Variants in L3MBTL4 observed in about 807,000 individuals in gnomAD.
L3MBTL4 encodes L3MBTL histone methyl-lysine binding protein 4, also known as lethal(3)malignant brain tumor-like protein 4.
A neutral mutation model predicts 84.5 loss-of-function variants in L3MBTL4; 70 were observed. The observed-to-expected ratio is 0.83, with a 90% confidence interval of 0.68 to 1.01. The LOEUF is 1.01. Ranked by LOEUF, L3MBTL4 falls within the 50% of genes least tolerant of loss-of-function variation. The pLI is 0.00. For missense variants in L3MBTL4, 715 were observed against 754.8 expected (o/e 0.95, Z 0.62); for synonymous variants, 274 against 259.8 (o/e 1.05, Z -0.52).
chr18:6,412,400 C>T (rs189406134), intron 1 of L3MBTL4, among the ~76,000 whole-genome samples: 7 of 152,224 alleles, frequency 4.6e-5, no homozygotes, highest in Admixed American at 2.6e-4. Flanking sequence ...TATCTAATGG[C>T]GATTTTCAGA....
intron 16 of L3MBTL4, among the ~76,000 whole-genome samples, chr18:5,984,299 G>A (rs1004419031): frequency 1.3e-5 from 2 of 152,148 alleles, no homozygotes; most frequent in Admixed American, 1.3e-4. Context: ...AATGATTGTG[G>A]CCACATTTCT....
At chr18:6,263,832 A>T in intron 5 of L3MBTL4, 115 bp downstream of exon 5, 1 of 795,304 alleles carries the variant, frequency 1.3e-6, no homozygotes, top group African/African-American at 1.7e-5. Context: ...ATTTTCCAGC[A>T]GAGCCTACAA....
chr18:6,144,196 CAAAAAAAA>C (rs35746580), intron 13 of L3MBTL4, among the ~76,000 whole-genome samples: 5 of 58,060 alleles, frequency 8.6e-5, no homozygotes, highest in African/African-American at 1.8e-4. Flanking sequence ...ACTCCATCTC[CAAAAAAAA>C]AAAAAAAAAA....
chr18:6,076,044 G>C (rs1568074614), intron 16 of L3MBTL4, among the ~76,000 whole-genome samples: 1 of 152,138 alleles, frequency 6.6e-6, no homozygotes, highest in South Asian at 2.1e-4. Flanking sequence ...GTGCTGGTAG[G>C]AACATCCTGG....
intron 5 of L3MBTL4, among the ~76,000 whole-genome samples, chr18:6,253,390 A>C (rs1435100174): frequency 3.3e-5 from 5 of 152,204 alleles, no homozygotes; most frequent in Non-Finnish European, 5.9e-5. Flanking sequence ...ACATTTAGAA[A>C]GTTGCAACAG....
chr18:6,106,025 T>C (rs1429453789), intron 14 of L3MBTL4, among the ~76,000 whole-genome samples: 1 of 152,196 alleles, frequency 6.6e-6, no homozygotes, highest in African/African-American at 2.4e-5. Context: ...ATATATTAGC[T>C]CATGCAATTC....
At chr18:6,060,373 C>G (rs189315515) in intron 16 of L3MBTL4, among the ~76,000 whole-genome samples, 1 of 151,388 alleles carries the variant, frequency 6.6e-6, no homozygotes, top group Admixed American at 6.6e-5. Context: ...TATGAAGATA[C>G]GAAGTACTCG....
At chr18:6,141,836 C>T (rs1053973595) in intron 13 of L3MBTL4, among the ~76,000 whole-genome samples, 3 of 152,202 alleles carry the variant, frequency 2.0e-5, no homozygotes, top group Non-Finnish European at 4.4e-5. Context: ...TATCACTTCT[C>T]TCTTAGCACA....
intron 14 of L3MBTL4, among the ~76,000 whole-genome samples, chr18:6,113,127 C>A (rs2059244735): frequency 6.6e-6 from 1 of 151,914 alleles, no homozygotes; most frequent in Non-Finnish European, 1.5e-5. Context: ...CAGTGTTTCC[C>A]AAAAAGCAAT....
intron 16 of L3MBTL4, among the ~76,000 whole-genome samples, chr18:6,051,841 C>T (rs1459067273): frequency 6.6e-6 from 1 of 152,190 alleles, no homozygotes; most frequent in Non-Finnish European, 1.5e-5. Context: ...GTTCACTACA[C>T]TACCTTAAGA....
chr18:6,138,227 T>C lies in L3MBTL4; in HGVS notation c.1166A>G (p.His389Arg). Residue 389 changes from histidine (H) to arginine (R), a missense_variant, in exon 14 of 19, where the codon CAT becomes CGT. Coordinates refer to ENST00000317931, the MANE Select transcript of L3MBTL4 (RefSeq NM_001330559.2). ...TCCCGAATAACGTGGACCACGGATATGGCCTATTCCTCGGCACCCGGGAGT... is the reference window on the plus strand; with the variant it reads ...TCCCGAATAACGTGGACCACGGATACGGCCTATTCCTCGGCACCCGGGAGT... The part of the protein sequence containing the change: ...CPTPGCRGIG[H>R]IRGPRYSGHH... 2.5e-6 allele frequency: 4 copies of C among 1,613,238 alleles called. No homozygotes were observed. The highest frequency in any genetic ancestry group is 3.4e-6 in the Non-Finnish European group (4 of 1,179,406).
At chr18:6,087,447 C>T (rs759420677) in intron 15 of L3MBTL4, among the ~76,000 whole-genome samples, 49 of 152,118 alleles carry the variant, frequency 3.2e-4, no homozygotes, top group Non-Finnish European at 5.9e-4. Flanking sequence ...CCTTTCCCTC[C>T]GTAGAGCTCC....
chr18:6,104,324 T>A (rs940953912), intron 14 of L3MBTL4, among the ~76,000 whole-genome samples: 18 of 152,140 alleles, frequency 1.2e-4, no homozygotes, highest in African/African-American at 4.1e-4. Context: ...GGAAAGAATC[T>A]AAATGGCCAT....
intron 16 of L3MBTL4, among the ~76,000 whole-genome samples, chr18:6,062,299 A>T (rs994235972): frequency 4.0e-5 from 6 of 151,750 alleles, no homozygotes; most frequent in Admixed American, 3.9e-4. Context: ...ATTTCGCTCT[A>T]CTCTCTTCTG....
intron 1 of L3MBTL4, among the ~76,000 whole-genome samples, chr18:6,382,698 G>A (rs1417880848): frequency 6.6e-6 from 1 of 152,198 alleles, no homozygotes; most frequent in Admixed American, 6.5e-5. Flanking sequence ...TTATTCCAAA[G>A]GGGCACCTGC....
intron 16 of L3MBTL4, among the ~76,000 whole-genome samples, chr18:6,017,435 G>A (rs12962617): frequency 0.6 from 91,168 of 152,084 alleles, 30,005 homozygotes; most frequent in Non-Finnish European, 0.76. Context: ...TTTTTCTAGA[G>A]TTTTACACTG....
chr18:6,252,080 G>A (rs984250428), intron 5 of L3MBTL4, among the ~76,000 whole-genome samples: 4 of 152,214 alleles, frequency 2.6e-5, no homozygotes, highest in African/African-American at 7.2e-5. Context: ...GGGAGGCCAA[G>A]GTGGGTGGAT....
intron 16 of L3MBTL4, among the ~76,000 whole-genome samples, chr18:6,047,888 C>T (rs1445242236): frequency 6.6e-6 from 1 of 152,200 alleles, no homozygotes; most frequent in Non-Finnish European, 1.5e-5. Flanking sequence ...TAACATAGTA[C>T]TGGAAGTCCT....
At chr18:6,410,823 C>CA (rs1464457779) in intron 1 of L3MBTL4, among the ~76,000 whole-genome samples, 2 of 152,212 alleles carry the variant, frequency 1.3e-5, no homozygotes, top group African/African-American at 4.8e-5. Context: ...TAAGCATTGT[C>CA]AGAGTTTGCC....
Sources: gnomAD v4.1 joint callset for allele counts (sites outside exome capture counted in the v4.1 genomes callset) on GRCh38, gnomAD v4.1.1 for gene constraint, MANE v1.5 for transcripts, NCBI Gene and HGNC (gene_info 2026-07-23, HGNC 2026-07-21) for gene names.